GALNTL6: variants seen among roughly 807,000 people sequenced by gnomAD.
GALNTL6 encodes polypeptide N-acetylgalactosaminyltransferase-like 6.
A neutral mutation model predicts 73.7 loss-of-function variants in GALNTL6; 46 were observed. The observed-to-expected ratio is 0.62, with a 90% CI of 0.49 to 0.80. GALNTL6 has a LOEUF of 0.80. GALNTL6 is among the 30% of genes least tolerant of loss of function. The pLI is 0.00. For missense variants in GALNTL6, 604 were observed against 755.0 expected, an observed-to-expected ratio of 0.80 and a Z score of 2.34; for synonymous variants, 259 against 263.7, an observed-to-expected ratio of 0.98 and a Z score of 0.17.
intron 3 of GALNTL6, among the ~76,000 whole-genome samples, chr4:172,234,563 G>T (rs185867184): frequency 1.3e-5 from 2 of 151,942 alleles, no homozygotes; most frequent in Admixed American, 1.3e-4. Context: ...TTGTTCATTT[G>T]CATTTATTAA....
intron 5 of GALNTL6, among the ~76,000 whole-genome samples, chr4:172,619,056 C>T (rs114712549): frequency 0.032 from 4,822 of 152,210 alleles, 119 homozygotes; most frequent in South Asian, 0.092. Context: ...CAGTGTCTCC[C>T]TCTCTCTTCT....
intron 3 of GALNTL6, among the ~76,000 whole-genome samples, chr4:172,306,282 G>A (rs370065556): frequency 1.3e-5 from 2 of 151,998 alleles, no homozygotes; most frequent in South Asian, 2.1e-4. Flanking sequence ...CCAGCTACTC[G>A]GGAGGCTGAG....
At chr4:172,153,736 AT>A (rs1734167922) in intron 2 of GALNTL6, among the ~76,000 whole-genome samples, 1 of 152,224 alleles carries the variant, frequency 6.6e-6, no homozygotes, top group Non-Finnish European at 1.5e-5. Context: ...ATCTTGTACA[AT>A]ACAAAACGTA....
intron 2 of GALNTL6, among the ~76,000 whole-genome samples, chr4:171,987,723 G>A (rs920322804): frequency 7.2e-5 from 11 of 152,226 alleles, no homozygotes; most frequent in African/African-American, 2.4e-4. Context: ...AGTGGCTTGT[G>A]CTATAGCATA....
rs1732019010 is a variant in GALNTL6, at chr4:172,446,319, G to T, written c.553+97630G>T. On this transcript the variant is annotated intron_variant, in intron 5 of 12. Transcript: ENST00000506823. ...GTCTCCAAAACTAAGATTCTAAATA[G>T]AAATCTGTGCTCCTTATGAATAATA... Among the ~76,000 whole-genome samples the T allele has an allele frequency of 1.3e-5, 2 of 152,084 alleles. 1 individual carries two copies. The highest frequency in any genetic ancestry group is 4.1e-4 in the South Asian group (2 of 4,824).
intron 2 of GALNTL6, among the ~76,000 whole-genome samples, chr4:172,219,224 A>ATATATATATATATATATATAT (rs1736597397): frequency 3.0e-5 from 2 of 66,552 alleles, no homozygotes; most frequent in Admixed American, 1.5e-4. Flanking sequence ...TATATATATA[A>ATATATATATATATATATATAT]TCCTTCTGTT....
intron 2 of GALNTL6, among the ~76,000 whole-genome samples, chr4:172,078,151 G>A (rs917659468): frequency 6.6e-6 from 1 of 152,178 alleles, no homozygotes; most frequent in Admixed American, 6.5e-5. Context: ...CTTCAAGAGT[G>A]GAGCCCTCAT....
intron 5 of GALNTL6, among the ~76,000 whole-genome samples, chr4:172,468,879 C>A (rs754556534): frequency 2.6e-5 from 4 of 152,244 alleles, no homozygotes; most frequent in Non-Finnish European, 4.4e-5. Context: ...ATTAGAGTTA[C>A]AACTCTACAA....
At chr4:172,978,187 T>C (rs907813681) in intron 10 of GALNTL6, among the ~76,000 whole-genome samples, 19 of 152,174 alleles carry the variant, frequency 1.2e-4, no homozygotes, top group African/African-American at 4.3e-4. Context: ...TAAAAATTTC[T>C]CTCTACAGGA....
chr4:172,738,174 C>A (rs1234145726), intron 5 of GALNTL6, among the ~76,000 whole-genome samples: 3 of 152,146 alleles, frequency 2.0e-5, no homozygotes, highest in African/African-American at 7.2e-5. Context: ...TTGTTGACAA[C>A]CTCAATTTTA....
At chr4:171,965,211 G>A (rs1739350847) in intron 2 of GALNTL6, among the ~76,000 whole-genome samples, 1 of 152,092 alleles carries the variant, frequency 6.6e-6, no homozygotes. Context: ...ACTAAATAGG[G>A]TAAAGAAGCT....
At chr4:172,224,197 T>C (rs1467207425) in intron 2 of GALNTL6, among the ~76,000 whole-genome samples, 6 of 152,194 alleles carry the variant, frequency 3.9e-5, no homozygotes, top group Non-Finnish European at 1.5e-5. Context: ...CTTTATCATA[T>C]ATAAGATTTA....
At chr4:172,493,981 C>T (rs1733979796) in intron 5 of GALNTL6, among the ~76,000 whole-genome samples, 2 of 152,116 alleles carry the variant, frequency 1.3e-5, no homozygotes, top group Non-Finnish European at 1.5e-5. Flanking sequence ...TTCTTCCCAG[C>T]TAGAATGTAG....
rs1029833318 is a variant in GALNTL6 at position 172,597,883 on chromosome 4, G to A, written c.554-211478G>A. Among the ~76,000 whole-genome samples, 14 of 151,808 alleles carry A rather than the reference G, an allele frequency of 9.2e-5. No individual in the cohort carries two copies. The South Asian group carries it at 2.5e-3, about 27-fold the overall frequency. On this transcript the variant is annotated intron_variant, in intron 5 of 12. Coordinates refer to ENST00000506823, the MANE Select transcript of GALNTL6 (RefSeq NM_001034845.3). The stretch of plus-strand genomic sequence containing the variant: ...ACAAAATTTGAAAAAGCCCCAGGCA[G>A]ACAGAGTCCTAGTTTGAATGCTTCT...
At chr4:172,883,520 C>G (rs1745566255) in intron 8 of GALNTL6, among the ~76,000 whole-genome samples, 1 of 152,138 alleles carries the variant, frequency 6.6e-6, no homozygotes, top group Non-Finnish European at 1.5e-5. Flanking sequence ...CTGCCACACA[C>G]TTTTAAACAA....
intron 5 of GALNTL6, among the ~76,000 whole-genome samples, chr4:172,672,790 G>T (rs770740217): frequency 8.5e-5 from 13 of 152,058 alleles, no homozygotes; most frequent in Non-Finnish European, 1.5e-4. Context: ...ATTTCTTCTA[G>T]ATTTTCTAGT....
chr4:172,214,733 T>G (rs1218654568), intron 2 of GALNTL6, among the ~76,000 whole-genome samples: 2 of 152,228 alleles, frequency 1.3e-5, no homozygotes, highest in Non-Finnish European at 2.9e-5. Context: ...CAGGCTGGTC[T>G]TGAACTCCTG....
In GALNTL6 at chr4:173,021,488, G is replaced by C; in HGVS notation, c.1501G>C (p.Gly501Arg). ...TWSHEQLFTF[G>R]WREDIRPGEP... ...GTTGCTTTGCTAGCTTTTTACCTTT[G>C]GATGGAGAGAAGATATTCGACCCGG... Residue 501 changes from glycine to arginine, a missense_variant, in exon 12 of 13, where the codon GGA (glycine) becomes CGA (arginine). By Grantham distance (125) the Gly-to-Arg change is moderately radical. Coordinates refer to ENST00000506823, the MANE Select transcript of GALNTL6 (RefSeq NM_001034845.3). The C allele has an allele frequency of 6.2e-7, 1 of 1,614,014 alleles. No individual in the cohort carries two copies. The highest frequency in any genetic ancestry group is 1.1e-5 in the South Asian group (1 of 91,068).
At chr4:172,991,368 A>G (rs1218928941) in intron 10 of GALNTL6, among the ~76,000 whole-genome samples, 1 of 151,972 alleles carries the variant, frequency 6.6e-6, no homozygotes, top group Non-Finnish European at 1.5e-5. Context: ...GTATTCACGT[A>G]TGATTTATGT....
Sources: allele counts gnomAD v4.1 joint callset (sites outside exome capture counted in the v4.1 genomes callset), GRCh38; gene constraint gnomAD v4.1.1; transcripts MANE v1.5; gene names NCBI Gene and HGNC (gene_info 2026-07-23, HGNC 2026-07-21).